Variants in FRMPD1 observed in about 807,000 individuals in gnomAD.
FRMPD1 encodes FERM and PDZ domain-containing protein 1.
In FRMPD1, 76 loss-of-function variants were observed where a neutral mutation model predicts 117.8. The ratio of observed to expected loss-of-function variants is 0.65; its 90% CI spans 0.54 to 0.78. The LOEUF is 0.78. Among genes scored for constraint, FRMPD1 ranks in the 30% least tolerant of loss-of-function variants. The pLI, the probability that FRMPD1 is intolerant of heterozygous loss-of-function variation, is 0.00. For synonymous variants in FRMPD1, 783 were observed against 770.4 expected, an observed-to-expected ratio of 1.02 and a Z score of -0.27; for missense variants, 1,786 against 1,964.5, an observed-to-expected ratio of 0.91 and a Z score of 1.72.
intron 13 of FRMPD1, among the ~76,000 whole-genome samples, chr9:37,736,560 G>T (rs1363464449): frequency 6.7e-6 from 1 of 150,248 alleles, no homozygotes; most frequent in Non-Finnish European, 1.5e-5. Flanking sequence ...GGTAACTAGT[G>T]CAGGGTACCT....
intron 5 of FRMPD1, among the ~76,000 whole-genome samples, chr9:37,712,444 C>T (rs1822944841): frequency 6.6e-6 from 1 of 152,224 alleles, no homozygotes; most frequent in Non-Finnish European, 1.5e-5. Flanking sequence ...CAACCGCCAC[C>T]TCCTGGGTTC....
intron 1 of FRMPD1, among the ~76,000 whole-genome samples, chr9:37,677,389 T>G (rs1821567636): frequency 6.6e-6 from 1 of 152,240 alleles, no homozygotes; most frequent in East Asian, 1.9e-4. Flanking sequence ...GGCAAGCAGC[T>G]TCATATGGGC....
chr9:37,701,061 G>T (rs1475075949), intron 2 of FRMPD1, among the ~76,000 whole-genome samples: 1 of 152,144 alleles, frequency 6.6e-6, no homozygotes, highest in Non-Finnish European at 1.5e-5. Flanking sequence ...TGGCCTTTGG[G>T]GAAAATGTCA....
chr9:37,711,201 G>A (rs1588948496), intron 4 of FRMPD1, 149 bp from the exon 5 acceptor site: 1 of 628,102 alleles, frequency 1.6e-6, no homozygotes, highest in Non-Finnish European at 2.9e-6. Context: ...GTTTTGCTGA[G>A]CCAAAAAAGC....
intron 2 of FRMPD1, among the ~76,000 whole-genome samples, chr9:37,697,238 C>T (rs975420180): frequency 6.6e-6 from 1 of 152,128 alleles, no homozygotes. Context: ...AGGATGACTC[C>T]TCTGTTACCA....
chr9:37,741,297 G>C (rs1434865095), intron 15 of FRMPD1, among the ~76,000 whole-genome samples: 1 of 152,018 alleles, frequency 6.6e-6, no homozygotes, highest in Non-Finnish European at 1.5e-5. Context: ...CAGACAGACA[G>C]GCCGTCTGTG....
Position 37,692,725 on chromosome 9 carries a change from C to T in FRMPD1, c.84C>T (p.Ser28=), listed in dbSNP as rs1199536140. The part of the protein sequence containing the change: ...EQMVARWLRR[S]RDSSARAKVA... ...TGGTGGCAAGATGGCTTCGGCGCTC[C>T]CGGGACAGCTCGGCCCGGTAAGCCT... The change falls in exon 2 of 16, where the codon TCC becomes TCT. Residue 28 remains serine (S), a synonymous_variant. Transcript: ENST00000377765. 1.1e-5 allele frequency: 18 copies of T among 1,613,368 alleles called. No individual in the cohort carries two copies.
At chr9:37,727,677 G>A (rs1823669749) in intron 7 of FRMPD1, among the ~76,000 whole-genome samples, 2 of 151,674 alleles carry the variant, frequency 1.3e-5, no homozygotes, top group South Asian at 2.1e-4. Context: ...GAAGCAAATG[G>A]ACCCTTCAGG....
At chr9:37,609,961 G>A in the FRMPD1 span, among the ~76,000 whole-genome samples, 24 of 152,080 alleles carry the variant, frequency 1.6e-4, no homozygotes, top group Non-Finnish European at 3.1e-4. Context: ...TCTCTTTCAG[G>A]TCCAATGTCA....
At chr9:37,608,747 CTAAGAG>C in the FRMPD1 span, among the ~76,000 whole-genome samples, 1 of 152,080 alleles carries the variant, frequency 6.6e-6, no homozygotes, top group East Asian at 1.9e-4. Context: ...GATAAAAATA[CTAAGAG>C]TATTTAAATT....
intron 5 of FRMPD1, 107 bp downstream of exon 5, chr9:37,711,502 G>A: frequency 1.2e-6 from 1 of 862,104 alleles, no homozygotes; most frequent in Non-Finnish European, 2.0e-6. Flanking sequence ...GGCAAAGGGT[G>A]GAGGGTGACA....
intron 1 of FRMPD1, among the ~76,000 whole-genome samples, 194 bp downstream of exon 1, chr9:37,651,288 T>C (rs974594795): frequency 6.6e-6 from 1 of 152,152 alleles, no homozygotes; most frequent in African/African-American, 2.4e-5. Flanking sequence ...GGACCTGCCA[T>C]CGTGAACTGT....
chr9:37,713,827 A>G (rs1177341590), intron 5 of FRMPD1, among the ~76,000 whole-genome samples: 1 of 152,170 alleles, frequency 6.6e-6, no homozygotes, highest in Admixed American at 6.5e-5. Flanking sequence ...AACAATATGG[A>G]TGGATGTCTG....
chr9:37,740,209 G>T lies in FRMPD1; in HGVS notation c.1681G>T (p.Gly561Trp). 6.2e-7 allele frequency: 1 copy of T among 1,613,914 alleles called. No individual in the cohort carries two copies. The highest frequency in any genetic ancestry group is 8.5e-7 in the Non-Finnish European group (1 of 1,179,852). The change falls in exon 15 of 16, where the codon GGG (glycine) becomes TGG (tryptophan). Residue 561 changes from glycine (G) to tryptophan (W), a missense_variant. Coordinates refer to ENST00000377765, the MANE Select transcript of FRMPD1 (RefSeq NM_014907.3). This position sits in a 1 kb window ranked among gnomAD's most constrained non-coding sequence, Gnocchi z 4.2. ...ACTCATAAAGGAGGAGCAGCCTCCTGGGAACAGCCCCACACCTGAGGTGGC... is the reference window on the plus strand; with the variant it reads ...ACTCATAAAGGAGGAGCAGCCTCCTTGGAACAGCCCCACACCTGAGGTGGC... Reference protein sequence around the residue: ...RSLIKEEQPPGNSPTPEVARR... With the variant: ...RSLIKEEQPPWNSPTPEVARR...
At chr9:37,659,127 A>G (rs1181667894) in intron 1 of FRMPD1, among the ~76,000 whole-genome samples, 1 of 152,132 alleles carries the variant, frequency 6.6e-6, no homozygotes, top group African/African-American at 2.4e-5. Context: ...CAGCCTCCCA[A>G]AGTGCTGGGA....
At chr9:37,659,691 T>C (rs1421965514) in intron 1 of FRMPD1, among the ~76,000 whole-genome samples, 1 of 152,022 alleles carries the variant, frequency 6.6e-6, no homozygotes, top group Non-Finnish European at 1.5e-5. Context: ...AGTGCCCAAA[T>C]ACTCTGTAAA....
At chr9:37,650,354 C>A (rs1001243754), upstream of FRMPD1, among the ~76,000 whole-genome samples, 1 of 152,120 alleles carries the variant, frequency 6.6e-6, no homozygotes, top group Non-Finnish European at 1.5e-5. Context: ...GAGGAACCCT[C>A]AAGGAGACCG....
chr9:37,638,029 TCTTTC>T, the FRMPD1 span, among the ~76,000 whole-genome samples: 87 of 112,674 alleles, frequency 7.7e-4, 2 homozygotes, highest in African/African-American at 2.9e-3. Context: ...TCTTTCTCTC[TCTTTC>T]TTCCTTTCTT....
chr9:37,744,173 G>A (rs892459432), intron 15 of FRMPD1, among the ~76,000 whole-genome samples: 1 of 151,992 alleles, frequency 6.6e-6, no homozygotes, highest in African/African-American at 2.4e-5. Context: ...CTGGGTGACA[G>A]AAAGAGACTC....
Sources: allele counts gnomAD v4.1 joint callset (sites outside exome capture counted in the v4.1 genomes callset), GRCh38; gene constraint gnomAD v4.1.1; non-coding constraint Gnocchi (gnomAD v3.1); transcripts MANE v1.5; gene names NCBI Gene and HGNC (gene_info 2026-07-23, HGNC 2026-07-21).